FBXL19: variants seen among roughly 807,000 people sequenced by gnomAD.
FBXL19 encodes F-box/LRR-repeat protein 19.
A neutral mutation model predicts 71.2 loss-of-function variants in FBXL19; 16 were observed. That is an observed-to-expected ratio of 0.22 (90% CI 0.15 to 0.34). The LOEUF is 0.34. Ranked by LOEUF, FBXL19 falls within the 10% of genes least tolerant of loss-of-function variation. FBXL19 has a pLI of 1.00. For missense variants in FBXL19, 658 were observed against 968.2 expected, an observed-to-expected ratio of 0.68 and a Z score of 4.25; for synonymous variants, 447 against 409.4, an observed-to-expected ratio of 1.09 and a Z score of -1.11.
At position 30,930,158 on chromosome 16, in the gene FBXL19, G is replaced by T. The variant is rs943809386; in HGVS notation, c.875G>T (p.Arg292Leu). The change falls in exon 7 of 11, where the codon CGG (arginine) becomes CTG (leucine). Residue 292 changes from arginine (R) to leucine (L), a missense_variant. This residue lies in a region of FBXL19 where 447 missense variants were observed against 515.4 expected (regional missense o/e 0.87). Coordinates refer to ENST00000338343, the MANE Select transcript of FBXL19 (RefSeq NM_001382779.1). This position sits in a 1 kb window ranked among gnomAD's most constrained non-coding sequence, Gnocchi z 8.5. ...AGGGAGAAGCTAGAGCGTTTCAAGC[G>T]GATGTGCCAGCTGCTGGAACGGGTG... ...PQREKLERFK[R>L]MCQLLERVPD... is the part of the protein sequence containing the mutation. The T allele has an allele frequency of 3.2e-5, 52 of 1,613,442 alleles. No individual in the cohort carries two copies. The highest frequency in any genetic ancestry group is 4.4e-5 in the Non-Finnish European group (52 of 1,179,894).
chr16:30,923,522 GGGA>G (rs530252545), upstream of FBXL19, among the ~76,000 whole-genome samples: 615 of 145,044 alleles, frequency 4.2e-3, 8 homozygotes, highest in African/African-American at 0.014. Flanking sequence ...AGTAAAGAGG[GGGA>G]GGAGGAGGAG....
At chr16:30,923,140 C>T (rs753147340), upstream of FBXL19, 2 of 456,680 alleles carry the variant, frequency 4.4e-6, no homozygotes, top group African/African-American at 4.0e-5. Context: ...AGATGGACTG[C>T]GACTCCCGTC....
In FBXL19 at chr16:30,927,559, C is replaced by T. The variant is rs1434867001; in HGVS notation, c.322-14C>T. On this transcript the variant is annotated splice_polypyrimidine_tract_variant and intron_variant, in intron 3 of 10. Coordinates refer to ENST00000338343, the MANE Select transcript of FBXL19 (RefSeq NM_001382779.1). Reference sequence around the variant, plus strand: ...TCCTGGCCAACCCCCCACTCACTGCCCTCCTGCCTACAGATGGGGAAGGCT... The same window carrying T: ...TCCTGGCCAACCCCCCACTCACTGCTCTCCTGCCTACAGATGGGGAAGGCT... The T allele has an allele frequency of 3.9e-6, 6 of 1,555,752 alleles. No individual in the cohort carries two copies. The highest frequency in any genetic ancestry group is 5.2e-6 in the Non-Finnish European group (6 of 1,149,392).
chr16:30,933,256 G>T (rs1195418448), intron 7 of FBXL19, among the ~76,000 whole-genome samples: 1 of 152,162 alleles, frequency 6.6e-6, no homozygotes, highest in Admixed American at 6.5e-5. Context: ...GCCTGCCTCA[G>T]CCTCCCAAAG....
chr16:30,932,998 G>T (rs2055692177), intron 7 of FBXL19, among the ~76,000 whole-genome samples: 1 of 151,162 alleles, frequency 6.6e-6, no homozygotes, highest in Non-Finnish European at 1.5e-5. Flanking sequence ...CCACCACCAT[G>T]CCTGGCTAAT....
chr16:30,923,320 G>T (rs1202767923), upstream of FBXL19: 11 of 419,034 alleles, frequency 2.6e-5, no homozygotes, highest in Non-Finnish European at 2.0e-5. Flanking sequence ...GGCATCCTCG[G>T]CTCCCGGCTG....
intron 7 of FBXL19, among the ~76,000 whole-genome samples, chr16:30,937,774 TGTG>T (rs1419256172): frequency 6.6e-6 from 1 of 152,030 alleles, no homozygotes; most frequent in Admixed American, 6.5e-5. Flanking sequence ...GCCTGGCTGT[TGTG>T]GAGTATGATA....
intron 1 of FBXL19, chr16:30,924,674 G>A: frequency 6.9e-7 from 1 of 1,443,190 alleles, no homozygotes; most frequent in Middle Eastern, 2.1e-4. Context: ...ACCCCCGCCT[G>A]CAGTCGCCGC....
chr16:30,933,435 G>C (rs576838091), intron 7 of FBXL19, among the ~76,000 whole-genome samples: 2 of 152,036 alleles, frequency 1.3e-5, no homozygotes, highest in African/African-American at 2.4e-5. Flanking sequence ...CACCTTGCCA[G>C]GCCTTATTTT....
intron 7 of FBXL19, among the ~76,000 whole-genome samples, chr16:30,941,325 T>G (rs9929927): frequency 0.097 from 14,809 of 151,970 alleles, 2,112 homozygotes; most frequent in African/African-American, 0.32. Flanking sequence ...AAAAATTGTT[T>G]AAAAATTAGC....
rs200337123 is a variant in FBXL19, at chr16:30,928,480, G to A, written c.641G>A (p.Arg214Gln). The A allele has an allele frequency of 8.4e-5, 134 of 1,588,920 alleles. No homozygotes were observed. In the East Asian group the frequency reaches 2.8e-3, roughly 33 times the overall value. The change falls in exon 6 of 11, where the codon CGA (arginine) becomes CAA (glutamine). Residue 214 changes from arginine (R) to glutamine (Q), a missense_variant. Physicochemically the swap from Arg to Gln is conservative, Grantham distance 43. Transcript: ENST00000338343. ...PTPRKKVKGGRERHLKKVGGD... is the reference protein window; with the variant it reads ...PTPRKKVKGGQERHLKKVGGD... Reference sequence around the variant, plus strand: ...TCACCCTGGTAGGTGAAAGGAGGCCGAGAGAGGCACCTGAAGAAGGTGGGT... The same window carrying A: ...TCACCCTGGTAGGTGAAAGGAGGCCAAGAGAGGCACCTGAAGAAGGTGGGT...
intron 6 of FBXL19, 21 bp downstream of exon 6, chr16:30,928,649 C>T (rs774376414): frequency 6.6e-7 from 1 of 1,512,862 alleles, no homozygotes; most frequent in Admixed American, 2.2e-5. Flanking sequence ...GACCTCCTCC[C>T]TCCCCTTCCC....
At chr16:30,928,156 T>G (rs1596650338) in intron 5 of FBXL19, among the ~76,000 whole-genome samples, 193 bp downstream of exon 5, 6 of 145,392 alleles carry the variant, frequency 4.1e-5, no homozygotes, top group African/African-American at 7.8e-5. Context: ...GGGGGACAGG[T>G]GAGGTGAGCT....
Position 30,942,609 on chromosome 16 carries a change from T to G in FBXL19, c.1627+73T>G. The G allele has an allele frequency of 6.9e-7, 1 of 1,457,256 alleles. No individual in the cohort carries two copies. The highest frequency in any genetic ancestry group is 9.0e-7 in the Non-Finnish European group (1 of 1,105,244). 90.3% of individuals were successfully genotyped at this position (1,457,256 alleles called of 1,614,324 possible). On this transcript the variant is annotated intron_variant, in intron 9 of 10. Coordinates refer to ENST00000338343, the MANE Select transcript of FBXL19 (RefSeq NM_001382779.1). The surrounding 1 kb of genome is among the most constrained non-coding windows in gnomAD (Gnocchi z 5.7). Reference sequence around the variant, plus strand: ...GGTAGGAGGCCTCTCAGGTCTCTTCTGACTCATGCTGGATGGTAAAGTATT... The same window carrying G: ...GGTAGGAGGCCTCTCAGGTCTCTTCGGACTCATGCTGGATGGTAAAGTATT...
chr16:30,942,682 G>T lies in FBXL19; in HGVS notation c.1627+146G>T. The T allele has an allele frequency of 2.9e-6, 4 of 1,389,326 alleles. No individual in the cohort carries two copies. The highest frequency in any genetic ancestry group is 3.8e-6 in the Non-Finnish European group (4 of 1,063,474). 86.1% of individuals were successfully genotyped at this position (1,389,326 alleles called of 1,614,324 possible). A position where few individuals can be genotyped will look rare whatever the true frequency, so the allele number is the denominator to read the frequency against. ...AGTTTGAATAGGAAGGCCCTGGTTG[G>T]GCATTATTCATTCATTCACCCACCT... On this transcript the variant is annotated intron_variant, in intron 9 of 10. Coordinates refer to ENST00000338343, the MANE Select transcript of FBXL19 (RefSeq NM_001382779.1). This position sits in a 1 kb window ranked among gnomAD's most constrained non-coding sequence, Gnocchi z 5.7.
chr16:30,933,272 A>C (rs1448682007), intron 7 of FBXL19, among the ~76,000 whole-genome samples: 2 of 150,320 alleles, frequency 1.3e-5, no homozygotes, highest in Admixed American at 1.3e-4. Context: ...CAAAGTGCTG[A>C]GATTACAGGC....
At chr16:30,939,819 GC>G (rs2143372105) in intron 7 of FBXL19, among the ~76,000 whole-genome samples, 1 of 152,226 alleles carries the variant, frequency 6.6e-6, no homozygotes, top group South Asian at 2.1e-4. Flanking sequence ...CACTGCCCCA[GC>G]CCAGGGCTTC....
chr16:30,935,129 G>A (rs1057387942), intron 7 of FBXL19, among the ~76,000 whole-genome samples: 1 of 152,180 alleles, frequency 6.6e-6, no homozygotes, highest in African/African-American at 2.4e-5. Context: ...AGGCCTTAGT[G>A]TCCTCAGCTG....
In FBXL19 at chr16:30,925,464, C is replaced by T. The variant is rs1302740691; in HGVS notation, c.-24-267C>T. Among the ~76,000 whole-genome samples, 1 of 152,118 alleles carries T rather than the reference C, an allele frequency of 6.6e-6. No individual in the cohort carries two copies. The highest frequency in any genetic ancestry group is 1.5e-5 in the Non-Finnish European group (1 of 67,990). ...GCAGAGGAGAGGGCCTCGGTGTCCC[C>T]TCCTGCTCCCTGGGCTAGGGAAGGG... On this transcript the variant is annotated intron_variant, in intron 1 of 10. Coordinates refer to ENST00000338343, the MANE Select transcript of FBXL19 (RefSeq NM_001382779.1). This position sits in a 1 kb window ranked among gnomAD's most constrained non-coding sequence, Gnocchi z 5.0.
Sources: gnomAD v4.1 joint callset for allele counts (sites outside exome capture counted in the v4.1 genomes callset) on GRCh38, gnomAD v4.1.1 for gene constraint, gnomAD v4.1.1 regional missense constraint, Gnocchi (gnomAD v3.1) non-coding constraint, MANE v1.5 for transcripts, NCBI Gene and HGNC (gene_info 2026-07-23, HGNC 2026-07-21) for gene names.